PTPRN2: variants seen among roughly 807,000 people sequenced by gnomAD.
PTPRN2 encodes receptor-type tyrosine-protein phosphatase N2.
A neutral mutation model predicts 118.8 loss-of-function variants in PTPRN2; 74 were observed. The observed-to-expected ratio is 0.62, with a 90% CI of 0.52 to 0.76. PTPRN2 has a LOEUF of 0.76. PTPRN2 is among the 30% of genes least tolerant of loss of function. The pLI is 0.00. For synonymous variants in PTPRN2, 641 were observed against 608.0 expected (o/e 1.05, Z -0.80); for missense variants, 1,481 against 1,394.4 (o/e 1.06, Z -0.99).
chr7:157,740,902 T>C (rs909960649), intron 12 of PTPRN2, among the ~76,000 whole-genome samples: 1 of 152,216 alleles, frequency 6.6e-6, no homozygotes, highest in Non-Finnish European at 1.5e-5. Flanking sequence ...CCCATTAGCC[T>C]GAGCAAGGGC....
chr7:157,919,422 G>T (rs2128768450), intron 11 of PTPRN2, among the ~76,000 whole-genome samples: 1 of 152,248 alleles, frequency 6.6e-6, no homozygotes, highest in African/African-American at 2.4e-5. Context: ...CCCGGAGGTG[G>T]GTTTCGAATA....
intron 3 of PTPRN2, among the ~76,000 whole-genome samples, chr7:158,233,101 C>T (rs985171736): frequency 6.6e-6 from 1 of 152,066 alleles, no homozygotes; most frequent in African/African-American, 2.4e-5. Flanking sequence ...GAAAGAAATA[C>T]AGGCACCCAA....
chr7:158,204,947 G>A (rs953444041), intron 4 of PTPRN2, among the ~76,000 whole-genome samples: 3 of 152,140 alleles, frequency 2.0e-5, no homozygotes, highest in African/African-American at 2.4e-5. Flanking sequence ...ATGGAAAAAC[G>A]AAGAACCCCT....
intron 13 of PTPRN2, among the ~76,000 whole-genome samples, chr7:157,673,126 C>G (rs1420730814): frequency 6.6e-6 from 1 of 152,144 alleles, no homozygotes; most frequent in East Asian, 1.9e-4. Flanking sequence ...CAGGTTCAAG[C>G]AATTTTCCTG....
rs555428403 is a variant in PTPRN2 at position 158,149,624 on chromosome 7, G to T, written c.911-11109C>A. 2.9e-3 allele frequency among the ~76,000 whole-genome samples: 435 copies of T among 152,034 alleles called. 1 individual carries two copies. The highest frequency in any genetic ancestry group is 0.01 in the African/African-American group (416 of 41,500). On this transcript the variant is annotated intron_variant, in intron 6 of 22. Transcript: ENST00000389418. Reference sequence around the variant, plus strand: ...TCGAGACCAGCCTGGCCAACATGGTGGAAACCCCATCTCTACTAAAAATAC... The same window carrying T: ...TCGAGACCAGCCTGGCCAACATGGTTGAAACCCCATCTCTACTAAAAATAC...
intron 11 of PTPRN2, among the ~76,000 whole-genome samples, chr7:158,052,244 A>C (rs1809381225): frequency 6.6e-6 from 1 of 152,224 alleles, no homozygotes. Flanking sequence ...TCTCCATCAT[A>C]AGTGATCGCC....
At position 157,907,439 on chromosome 7, in the gene PTPRN2, C is replaced by T. The variant is rs114333652; in HGVS notation, c.1724-8702G>A. ...GTCCCGGGTGGCAGTATCTCCTTGT[C>T]CTCTGCGTGTGGGGTGTCCCGGGTG... On this transcript the variant is annotated intron_variant, in intron 11 of 22. Coordinates refer to ENST00000389418, the MANE Select transcript of PTPRN2 (RefSeq NM_002847.5). Among the ~76,000 whole-genome samples the T allele has an allele frequency of 9.9e-3, 1,462 of 147,930 alleles. 31 individuals carry two copies. The highest frequency in any genetic ancestry group is 0.035 in the African/African-American group (1,388 of 39,598).
chr7:157,838,866 C>T (rs112018032), intron 12 of PTPRN2, among the ~76,000 whole-genome samples: 14 of 49,112 alleles, frequency 2.9e-4, no homozygotes, highest in Admixed American at 1.2e-3. Context: ...GTGGATGGCA[C>T]GGGAGAAAGC....
Position 158,092,486 on chromosome 7 carries a change from G to A in PTPRN2, c.1644-11109C>T, listed in dbSNP as rs562949527. Among the ~76,000 whole-genome samples, 5 of 151,976 alleles carry A rather than the reference G, an allele frequency of 3.3e-5. No individual in the cohort carries two copies. The South Asian group carries it at 1.0e-3, about 32-fold the overall frequency. ...ATAGGTGGGTGGTTTGGTGGATAGA[G>A]ATATGTATATATTTATTGCTTATAT... On this transcript the variant is annotated intron_variant, in intron 10 of 22. Transcript: ENST00000389418.
chr7:158,511,083 G>A (rs1269638214), intron 1 of PTPRN2, among the ~76,000 whole-genome samples: 2 of 152,238 alleles, frequency 1.3e-5, no homozygotes, highest in African/African-American at 2.4e-5. Context: ...TTGGTCAGGA[G>A]TTGACGGCAA....
intron 11 of PTPRN2, among the ~76,000 whole-genome samples, chr7:157,908,061 G>A (rs995879567): frequency 3.9e-5 from 6 of 152,220 alleles, no homozygotes; most frequent in Non-Finnish European, 5.9e-5. Context: ...AGCACAGCGC[G>A]CCTGGTGAGG....
chr7:157,811,478 C>T lies in PTPRN2; in HGVS notation c.1788+87195G>A, dbSNP rs139985152. ...GTGCTGTGTACCTGAGTGTGTTCAACGTCTTGAGATTTCTAAGCTTAAGGG... is the reference window on the plus strand; with the variant it reads ...GTGCTGTGTACCTGAGTGTGTTCAATGTCTTGAGATTTCTAAGCTTAAGGG... On this transcript the variant is annotated intron_variant, in intron 12 of 22. Coordinates refer to ENST00000389418, the MANE Select transcript of PTPRN2 (RefSeq NM_002847.5). 3.5e-3 allele frequency among the ~76,000 whole-genome samples: 535 copies of T among 151,968 alleles called. 2 individuals carry two copies. The highest frequency in any genetic ancestry group is 8.1e-3 in the Admixed American group (124 of 15,266).
intron 10 of PTPRN2, among the ~76,000 whole-genome samples, chr7:158,103,400 A>G (rs372901323): frequency 6.6e-5 from 10 of 152,224 alleles, no homozygotes; most frequent in East Asian, 3.9e-4. Context: ...AGGAAAAAGA[A>G]CGCGAAGAGC....
chr7:158,556,708 A>ACGGCTCCCGGGCAGGTCAGG (rs1461740425), intron 1 of PTPRN2, among the ~76,000 whole-genome samples: 3 of 138,294 alleles, frequency 2.2e-5, no homozygotes, highest in East Asian at 2.3e-4. Flanking sequence ...CGCAGGTCAG[A>ACGGCTCCCGGGCAGGTCAGG]CGGCTCCCGG....
At chr7:158,125,828 T>C (rs371702386) in intron 9 of PTPRN2, among the ~76,000 whole-genome samples, 1 of 152,180 alleles carries the variant, frequency 6.6e-6, no homozygotes, top group East Asian at 1.9e-4. Flanking sequence ...ATCCTCAGGG[T>C]TTCCTTTACT....
intron 3 of PTPRN2, among the ~76,000 whole-genome samples, chr7:158,289,964 G>A (rs1800006645): frequency 6.6e-6 from 1 of 152,154 alleles, no homozygotes; most frequent in South Asian, 2.1e-4. Flanking sequence ...TGGATCCACT[G>A]GAGTGGACCT....
chr7:157,568,008 CTATT>C (rs1282025955), intron 21 of PTPRN2, among the ~76,000 whole-genome samples: 6 of 152,164 alleles, frequency 3.9e-5, no homozygotes, highest in Non-Finnish European at 7.3e-5. Context: ...TCTCTGGCCC[CTATT>C]TAAAGAGATG....
At chr7:157,817,854 G>A (rs530855292) in intron 12 of PTPRN2, among the ~76,000 whole-genome samples, 41 of 152,050 alleles carry the variant, frequency 2.7e-4, no homozygotes, top group South Asian at 1.0e-3. Flanking sequence ...TGTGTGGTGC[G>A]TGTGTGTGGT....
chr7:158,513,691 T>G (rs890653156), intron 1 of PTPRN2, among the ~76,000 whole-genome samples: 1 of 152,220 alleles, frequency 6.6e-6, no homozygotes, highest in African/African-American at 2.4e-5. Context: ...TAATACTTCT[T>G]AACACAGAAA....
Sources: gnomAD v4.1 joint callset for allele counts (sites outside exome capture counted in the v4.1 genomes callset) on GRCh38, gnomAD v4.1.1 for gene constraint, MANE v1.5 for transcripts, NCBI Gene and HGNC (gene_info 2026-07-23, HGNC 2026-07-21) for gene names.